Variants in CELF2 observed in about 807,000 individuals in gnomAD.
The protein encoded by CELF2 is CUGBP Elav-like family member 2.
Under a neutral mutation model 62.6 loss-of-function variants are expected in CELF2, and 8 were observed. The ratio of observed to expected loss-of-function variants is 0.13; its 90% CI spans 0.07 to 0.23. The LOEUF is 0.23. Ranked by LOEUF, CELF2 falls within the 10% of genes least tolerant of loss-of-function variation. The probability of loss-of-function intolerance (pLI) is 1.00; values close to 1 mark genes in which losing one functional copy is unlikely to be tolerated. For missense variants in CELF2, 333 were observed against 671.0 expected, an observed-to-expected ratio of 0.50 and a Z score of 5.56; for synonymous variants, 258 against 250.0, an observed-to-expected ratio of 1.03 and a Z score of -0.30.
chr10:10,557,901 C>T, the CELF2 span, among the ~76,000 whole-genome samples: 2 of 143,214 alleles, frequency 1.4e-5, no homozygotes, highest in Non-Finnish European at 3.0e-5. Context: ...TGAGACTTTG[C>T]TGAAGTTGCT....
chr10:10,644,543 C>T, the CELF2 span, among the ~76,000 whole-genome samples: 1 of 152,116 alleles, frequency 6.6e-6, no homozygotes, highest in Non-Finnish European at 1.5e-5. Context: ...AACCCTGTGA[C>T]TCAGTATCCT....
At chr10:10,536,980 A>G in the CELF2 span, among the ~76,000 whole-genome samples, 3 of 152,128 alleles carry the variant, frequency 2.0e-5, no homozygotes, top group Non-Finnish European at 2.9e-5. Context: ...AAGTTTTGGA[A>G]AACAAACAGC....
At position 10,936,664 on chromosome 10, in the gene CELF2, C is replaced by G. The variant is rs2046425823; in HGVS notation, c.89+16665C>G. 6.6e-6 allele frequency: 1 copy of G among 152,218 alleles called. No individual in the cohort carries two copies. The highest frequency in any genetic ancestry group is 1.5e-5 in the Non-Finnish European group (1 of 68,052). 9.4% of individuals were successfully genotyped at this position (152,218 alleles called of 1,614,324 possible). ...CTTTGGTAACTTGTATCCCCCATCCCTGGGGACAAAATCTTCATTTCTAGC... is the reference window on the plus strand; with the variant it reads ...CTTTGGTAACTTGTATCCCCCATCCGTGGGGACAAAATCTTCATTTCTAGC... On this transcript the variant is annotated intron_variant, in intron 2 of 13. Coordinates refer to the CELF2 transcript ENST00000636488. The surrounding 1 kb of genome is among the most constrained non-coding windows in gnomAD (Gnocchi z 4.0).
At chr10:11,078,745 G>T (rs1835476979) in intron 1 of CELF2, among the ~76,000 whole-genome samples, 1 of 152,196 alleles carries the variant, frequency 6.6e-6, no homozygotes, top group South Asian at 2.1e-4. Flanking sequence ...GAGGCTGCCA[G>T]TCTGTATTCT....
chr10:10,595,276 C>T, the CELF2 span, among the ~76,000 whole-genome samples: 7 of 152,016 alleles, frequency 4.6e-5, no homozygotes, highest in African/African-American at 1.4e-4. Context: ...AAGCTAAGAA[C>T]TTGACATACA....
At chr10:11,062,220 G>A (rs184102092) in intron 1 of CELF2, among the ~76,000 whole-genome samples, 57 of 152,312 alleles carry the variant, frequency 3.7e-4, no homozygotes, top group South Asian at 8.3e-4. Context: ...AAGAGCTTTC[G>A]TGGAGATGTA....
At chr10:11,240,496 T>C (rs891961493) in intron 3 of CELF2, among the ~76,000 whole-genome samples, 1 of 152,256 alleles carries the variant, frequency 6.6e-6, no homozygotes, top group African/African-American at 2.4e-5. Context: ...CCTCAGAGTC[T>C]AATCCACTGT....
chr10:11,285,412 G>A lies in CELF2; in HGVS notation c.842-3006G>A, dbSNP rs1353710931. 6.6e-6 allele frequency among the ~76,000 whole-genome samples: 1 copy of A among 152,182 alleles called. No individual in the cohort carries two copies. Among genetic ancestry groups the A allele is most frequent in the Non-Finnish European group, 1.5e-5 (1 of 68,018 alleles). ...CCTGGACTTTCCAGGCGGCAGCAGGGAAAGGCTTAGGAGAATGTCAGAAAC... is the reference window on the plus strand; with the variant it reads ...CCTGGACTTTCCAGGCGGCAGCAGGAAAAGGCTTAGGAGAATGTCAGAAAC... On this transcript the variant is annotated intron_variant, in intron 8 of 12. Transcript: ENST00000633077. This position sits in a 1 kb window ranked among gnomAD's most constrained non-coding sequence, Gnocchi z 4.3.
At chr10:10,635,057 A>G in the CELF2 span, among the ~76,000 whole-genome samples, 1 of 152,102 alleles carries the variant, frequency 6.6e-6, no homozygotes, top group Non-Finnish European at 1.5e-5. Context: ...ATTAAATCCC[A>G]CAAGTGCTAT....
At chr10:10,681,313 C>T in the CELF2 span, among the ~76,000 whole-genome samples, 5 of 152,212 alleles carry the variant, frequency 3.3e-5, no homozygotes, top group East Asian at 3.9e-4. Context: ...TATTGATCAG[C>T]GTCAGTTGTT....
At chr10:10,704,389 G>A in the CELF2 span, among the ~76,000 whole-genome samples, 1 of 152,114 alleles carries the variant, frequency 6.6e-6, no homozygotes, top group Non-Finnish European at 1.5e-5. Context: ...TCTGAATTAG[G>A]AAGTTTCTAC....
the CELF2 span, among the ~76,000 whole-genome samples, chr10:10,681,100 A>C: frequency 6.6e-6 from 1 of 152,188 alleles, no homozygotes; most frequent in Non-Finnish European, 1.5e-5. Flanking sequence ...TTAAGAATAA[A>C]GTCTTATCAG....
At position 11,302,090 on chromosome 10, in the gene CELF2, G is replaced by C. The variant is rs1203930376; in HGVS notation, c.977-12049G>C. 2.0e-5 allele frequency among the ~76,000 whole-genome samples: 3 copies of C among 152,218 alleles called. No homozygotes were observed. Among genetic ancestry groups the C allele is most frequent in the Admixed American group, 1.3e-4 (2 of 15,288 alleles). On this transcript the variant is annotated intron_variant, in intron 9 of 12. Coordinates refer to ENST00000633077, the MANE Select transcript of CELF2 (RefSeq NM_001326342.2). This position sits in a 1 kb window ranked among gnomAD's most constrained non-coding sequence, Gnocchi z 5.0. The stretch of plus-strand genomic sequence containing the variant: ...CCTGCTCTTCAACCGGCTGTCTTCT[G>C]GTGGGGTTTCTTTTCCTCTGGAAGA...
At chr10:11,194,724 A>G (rs1160339919) in intron 2 of CELF2, among the ~76,000 whole-genome samples, 1 of 152,242 alleles carries the variant, frequency 6.6e-6, no homozygotes, top group Non-Finnish European at 1.5e-5. Context: ...TTTTAATAGA[A>G]ATTGAGTTAG....
intron 1 of CELF2, among the ~76,000 whole-genome samples, chr10:11,143,319 G>T (rs1596069378): frequency 6.6e-6 from 1 of 152,104 alleles, no homozygotes; most frequent in South Asian, 2.1e-4. Flanking sequence ...CATGATTCTG[G>T]TTTGTTGGAA....
intron 1 of CELF2, among the ~76,000 whole-genome samples, chr10:10,864,240 A>AT (rs200355480): frequency 7.2e-4 from 107 of 148,392 alleles, no homozygotes; most frequent in East Asian, 2.0e-3. Flanking sequence ...ACATCAGGGC[A>AT]TTTTTTTTTT....
chr10:11,258,523 A>G (rs747139401), intron 5 of CELF2, among the ~76,000 whole-genome samples: 5 of 152,162 alleles, frequency 3.3e-5, no homozygotes, highest in Non-Finnish European at 7.3e-5. Context: ...AGCCTTGACG[A>G]TAAGCTGGTG....
At chr10:10,979,584 T>G (rs922288413) in intron 2 of CELF2, among the ~76,000 whole-genome samples, 28 of 147,450 alleles carry the variant, frequency 1.9e-4, no homozygotes, top group Non-Finnish European at 2.1e-4. Flanking sequence ...GGTGGGAGGA[T>G]AGTTTGAGCC....
chr10:11,334,882 A>C lies in CELF2; in HGVS notation c.*5829A>C, dbSNP rs1439728866. The C allele has an allele frequency of 6.6e-6, 1 of 152,232 alleles. No homozygotes were observed. The highest frequency in any genetic ancestry group is 1.5e-5 in the Non-Finnish European group (1 of 68,028). The allele number at this position is 152,232 out of a possible 1,614,324, so 9.4% of individuals were successfully genotyped here. ...AGTGAAAAGGGTTAAACTTAAGTCT[A>C]TTATTTGTTGCCCTCAATCAAAAGA... On this transcript the variant is annotated 3_prime_UTR_variant, in exon 13 of 13. Transcript: ENST00000633077.
Sources: allele counts gnomAD v4.1 joint callset (sites outside exome capture counted in the v4.1 genomes callset), GRCh38; gene constraint gnomAD v4.1.1; non-coding constraint Gnocchi (gnomAD v3.1); transcripts MANE v1.5; gene names NCBI Gene and HGNC (gene_info 2026-07-23, HGNC 2026-07-21).